The following VPS13C variants were observed in gnomAD, a reference collection of about 807,000 sequenced individuals.
VPS13C encodes the protein intermembrane lipid transfer protein VPS13C.
VPS13C carries 358 observed loss-of-function variants against 456.8 expected under a neutral mutation model. The ratio of observed to expected loss-of-function variants is 0.78; its 90% CI spans 0.72 to 0.86. The LOEUF is 0.86. VPS13C is among the 40% of genes least tolerant of loss of function. VPS13C has a pLI of 0.00. For synonymous variants in VPS13C, 1,578 were observed against 1,486.7 expected (o/e 1.06, Z -1.41); for missense variants, 4,818 against 4,385.4 (o/e 1.10, Z -2.79).
intron 81 of VPS13C, chr15:61,864,120 T>G (rs1226614226): frequency 5.6e-6 from 1 of 179,512 alleles, no homozygotes; most frequent in African/African-American, 2.4e-5. Context: ...AATTAATGTT[T>G]AATGCTTTGA....
chr15:61,990,955 A>G, intron 18 of VPS13C, 45 bp downstream of exon 18: 2 of 1,304,648 alleles, frequency 1.5e-6, no homozygotes, highest in East Asian at 2.3e-5. Context: ...TCAATCTAAT[A>G]TAGTACAATG....
At chr15:61,944,398 A>G (rs1181746667) in intron 45 of VPS13C, among the ~76,000 whole-genome samples, 1 of 152,200 alleles carries the variant, frequency 6.6e-6, no homozygotes, top group Non-Finnish European at 1.5e-5. Flanking sequence ...GCCCATCAAC[A>G]GTGGACTAGA....
chr15:62,050,985 T>C (rs1305555695), intron 1 of VPS13C, among the ~76,000 whole-genome samples: 3 of 150,010 alleles, frequency 2.0e-5, no homozygotes, highest in East Asian at 1.9e-4. Flanking sequence ...ACCAAGCTAG[T>C]GTATTTATGA....
At chr15:61,891,068 T>A (rs1012743768) in intron 66 of VPS13C, among the ~76,000 whole-genome samples, 1 of 152,144 alleles carries the variant, frequency 6.6e-6, no homozygotes, top group African/African-American at 2.4e-5. Flanking sequence ...GAAAGAAATG[T>A]AACCTCAGAC....
Position 61,912,015 on chromosome 15 carries a change from G to A in VPS13C, c.8551-11C>T, listed in dbSNP as rs777176419. ...GATGCTAACACCAACCTGTGGAAAG[G>A]AAAAAAGCTTATTTTCCAGTTTATT... On this transcript the variant is annotated splice_polypyrimidine_tract_variant and intron_variant, in intron 62 of 84. Transcript: ENST00000644861. 12 of 1,550,116 alleles carry A rather than the reference G, an allele frequency of 7.7e-6. No individual in the cohort carries two copies. Among genetic ancestry groups the A allele is most frequent in the African/African-American group, 1.4e-5 (1 of 72,848 alleles).
intron 8 of VPS13C, among the ~76,000 whole-genome samples, chr15:62,021,218 C>T (rs725174): frequency 0.078 from 11,876 of 151,762 alleles, 983 homozygotes; most frequent in African/African-American, 0.21. Context: ...GTGATGGAGA[C>T]ACTAAAAGTT....
intron 1 of VPS13C, among the ~76,000 whole-genome samples, chr15:62,053,702 A>G (rs1193370924): frequency 1.3e-5 from 2 of 152,186 alleles, no homozygotes; most frequent in African/African-American, 4.8e-5. Flanking sequence ...ACACAACTAG[A>G]CAGAATCAGA....
chr15:61,917,870 C>A (rs951310809), intron 59 of VPS13C, among the ~76,000 whole-genome samples: 2 of 152,028 alleles, frequency 1.3e-5, no homozygotes, highest in South Asian at 4.2e-4. Flanking sequence ...ACTCTGTAAA[C>A]AAGACAACTT....
intron 3 of VPS13C, among the ~76,000 whole-genome samples, chr15:62,039,530 G>T (rs34138933): frequency 2.3e-4 from 35 of 151,834 alleles, no homozygotes; most frequent in African/African-American, 8.5e-4. Flanking sequence ...CTAATAATCT[G>T]ATTTAAAAAT....
rs965379084 is a variant in VPS13C, at chr15:61,862,022, C to T, written c.10952+1418G>A. On this transcript the variant is annotated intron_variant, in intron 82 of 84. Coordinates refer to ENST00000644861, the MANE Select transcript of VPS13C (RefSeq NM_020821.3). ...GGCTGAGGCACGAGAATCACTTGAA[C>T]CCAGGAGGCAGAGGTTGCAGTGAGC... is the stretch of plus-strand genomic sequence containing the variant. Among the ~76,000 whole-genome samples the T allele has an allele frequency of 2.0e-5, 3 of 152,126 alleles. No homozygotes were observed. The South Asian group carries it at 6.2e-4, about 32-fold the overall frequency.
At chr15:62,014,977 C>A (rs1481571099) in intron 9 of VPS13C, among the ~76,000 whole-genome samples, 4 of 152,138 alleles carry the variant, frequency 2.6e-5, no homozygotes, top group East Asian at 1.9e-4. Context: ...AATGAAGAGT[C>A]TGAGCAAAGA....
intron 6 of VPS13C, 21 bp downstream of exon 6, chr15:62,028,337 T>C: frequency 6.2e-7 from 1 of 1,611,830 alleles, no homozygotes; most frequent in Non-Finnish European, 8.5e-7. Flanking sequence ...TAGTTGAATA[T>C]AATTAACCAT....
chr15:61,873,347 T>G lies in VPS13C; in HGVS notation c.10477A>C (p.Thr3493Pro), dbSNP rs1370537055. The G allele has an allele frequency of 6.2e-7, 1 of 1,613,704 alleles. No homozygotes were observed. Among genetic ancestry groups the G allele is most frequent in the East Asian group, 2.2e-5 (1 of 44,874 alleles). Residue 3493 changes from threonine (T) to proline (P), a missense_variant, in exon 78 of 85, where the codon ACA (threonine) becomes CCA (proline). Thr to Pro is a conservative substitution (Grantham distance 38, BLOSUM62 -1). Coordinates refer to ENST00000644861, the MANE Select transcript of VPS13C (RefSeq NM_020821.3). ...GSVGKGLAAI[T>P]MDKEYQQKRR... ...TTTTGCTGATATTCCTTGTCCATTGTAATTGCTGCCAAACCTTTCCCAACA... is the reference window on the plus strand; with the variant it reads ...TTTTGCTGATATTCCTTGTCCATTGGAATTGCTGCCAAACCTTTCCCAACA...
intron 81 of VPS13C, 109 bp downstream of exon 81, chr15:61,868,550 T>C (rs375591991): frequency 2.4e-5 from 20 of 833,884 alleles, no homozygotes; most frequent in South Asian, 2.0e-4. Flanking sequence ...CTATGTATAA[T>C]ACTTAAAGCA....
In VPS13C at chr15:61,914,878, T is replaced by TAAAAAA. The variant is rs60910951; in HGVS notation, c.8445+749_8445+754dup. The stretch of plus-strand genomic sequence containing the variant: ...ACCGAGCCTGGCCAAAACTCTGCCT[T>TAAAAAA]AAAAAAAAAAAAAAAAAAAAAAAAA... On this transcript the variant is annotated intron_variant, in intron 61 of 84. Transcript: ENST00000644861. 2.3e-3 allele frequency among the ~76,000 whole-genome samples: 232 copies of TAAAAAA among 102,032 alleles called. 27 individuals carry two copies. The highest frequency in any genetic ancestry group is 8.5e-3 in the East Asian group (29 of 3,420). 66.9% of individuals were successfully genotyped at this position (102,032 alleles called of 152,430 possible). A position where few individuals can be genotyped will look rare whatever the true frequency, so the allele number is the denominator to read the frequency against.
chr15:61,918,103 A>G (rs775514899), intron 59 of VPS13C, 33 bp downstream of exon 59: 1 of 1,546,188 alleles, frequency 6.5e-7, no homozygotes, highest in South Asian at 1.3e-5. Context: ...AACTCAATAC[A>G]TTTAAAGTTT....
At position 61,927,446 on chromosome 15, in the gene VPS13C, T is replaced by C. The variant is rs58216278; in HGVS notation, c.6287-126A>G. On this transcript the variant is annotated intron_variant, in intron 51 of 84. Coordinates refer to ENST00000644861, the MANE Select transcript of VPS13C (RefSeq NM_020821.3). ...ATAACAGATATGGTGAAACTGACAATATTAATTGGTTAATTAATACTAATT... is the reference window on the plus strand; with the variant it reads ...ATAACAGATATGGTGAAACTGACAACATTAATTGGTTAATTAATACTAATT... The C allele has an allele frequency of 3.7e-3, 2,592 of 692,684 alleles. 87 individuals are homozygous for C. The East Asian group carries it at 0.064, about 17-fold the overall frequency. 42.9% of individuals were successfully genotyped at this position (692,684 alleles called of 1,614,324 possible).
intron 4 of VPS13C, 58 bp from the exon 5 acceptor site, chr15:62,033,600 GA>G (rs764647478): frequency 2.3e-4 from 288 of 1,276,168 alleles, no homozygotes; most frequent in Non-Finnish European, 3.1e-4. Context: ...TAAACAAACG[GA>G]AAAAGTTCAG....
Position 61,911,574 on chromosome 15 carries a change from T to C in VPS13C, c.8715+266A>G, listed in dbSNP as rs1360910527. Among the ~76,000 whole-genome samples, 4 of 152,194 alleles carry C rather than the reference T, an allele frequency of 2.6e-5. No homozygotes were observed. The East Asian group carries it at 5.8e-4, about 22-fold the overall frequency. ...GACACCACACAGTACATAATCTCTA[T>C]GTACTTTTTACAGTACATAGCTACG... On this transcript the variant is annotated intron_variant, in intron 63 of 84. Coordinates refer to ENST00000644861, the MANE Select transcript of VPS13C (RefSeq NM_020821.3).
Sources: gnomAD v4.1 joint callset for allele counts (sites outside exome capture counted in the v4.1 genomes callset) on GRCh38, gnomAD v4.1.1 for gene constraint, MANE v1.5 for transcripts, NCBI Gene and HGNC (gene_info 2026-07-23, HGNC 2026-07-21) for gene names.